The following PLCE1 variants were observed in gnomAD, a reference collection of about 807,000 sequenced individuals.
The protein encoded by PLCE1 is phospholipase C epsilon 1.
In PLCE1, 119 loss-of-function variants were observed where a neutral mutation model predicts 242.8. The ratio of observed to expected loss-of-function variants is 0.49; its 90% CI spans 0.42 to 0.57. The LOEUF (loss-of-function observed/expected upper bound fraction) is 0.57. PLCE1 is among the 20% of genes least tolerant of loss of function. PLCE1 has a pLI of 0.00. For synonymous variants in PLCE1, 945 were observed against 1,017.4 expected (o/e 0.93, Z 1.35); for missense variants, 2,441 against 2,788.8 (o/e 0.88, Z 2.81).
chr10:94,113,562 C>A (rs2046021956), intron 2 of PLCE1, among the ~76,000 whole-genome samples: 1 of 152,178 alleles, frequency 6.6e-6, no homozygotes, highest in Non-Finnish European at 1.5e-5. Context: ...ATGCCAGGCA[C>A]TATGCTAAGT....
At chr10:94,258,608 T>C (rs887165269) in intron 11 of PLCE1, among the ~76,000 whole-genome samples, 192 bp from the exon 12 acceptor site, 1 of 152,194 alleles carries the variant, frequency 6.6e-6, no homozygotes, top group Non-Finnish European at 1.5e-5. Context: ...CTTTTTCACA[T>C]AGAACATGTT....
chr10:94,009,232 G>A (rs2061115834), intron 1 of PLCE1, among the ~76,000 whole-genome samples: 1 of 152,124 alleles, frequency 6.6e-6, no homozygotes, highest in Non-Finnish European at 1.5e-5. Flanking sequence ...CAAGAGCAGG[G>A]GCAAGAGACA....
At chr10:94,062,752 A>G (rs2044094470) in intron 2 of PLCE1, among the ~76,000 whole-genome samples, 1 of 152,054 alleles carries the variant, frequency 6.6e-6, no homozygotes, top group Non-Finnish European at 1.5e-5. Context: ...TGAATGACAT[A>G]GTCAACTGTT....
chr10:94,179,690 G>A (rs892790185), intron 4 of PLCE1, among the ~76,000 whole-genome samples: 22 of 151,436 alleles, frequency 1.5e-4, no homozygotes, highest in Non-Finnish European at 2.8e-4. Flanking sequence ...ATTTTTAGTA[G>A]AGATGGGATT....
intron 2 of PLCE1, among the ~76,000 whole-genome samples, chr10:94,061,370 T>C (rs2044051270): frequency 6.6e-6 from 1 of 152,184 alleles, no homozygotes; most frequent in Non-Finnish European, 1.5e-5. Context: ...AGCAAACCCA[T>C]ACTATGAATC....
intron 2 of PLCE1, among the ~76,000 whole-genome samples, chr10:94,098,327 T>C (rs2045392730): frequency 1.3e-5 from 2 of 152,198 alleles, no homozygotes. Context: ...TTTATAAACA[T>C]TGCCAATATT....
chr10:94,152,699 T>A (rs1402865884), intron 3 of PLCE1, among the ~76,000 whole-genome samples: 1 of 152,200 alleles, frequency 6.6e-6, no homozygotes, highest in East Asian at 1.9e-4. Context: ...CTAAATAAAA[T>A]TTTTCAAGTA....
intron 2 of PLCE1, chr10:94,105,284 C>T (rs2045686429): frequency 6.6e-6 from 1 of 152,242 alleles, no homozygotes. Flanking sequence ...TTGAGGTAAA[C>T]TCTGAAAAGC....
At chr10:94,113,880 C>A (rs1329890045) in intron 2 of PLCE1, among the ~76,000 whole-genome samples, 1 of 152,024 alleles carries the variant, frequency 6.6e-6, no homozygotes, top group Non-Finnish European at 1.5e-5. Flanking sequence ...ACTCCCTTGA[C>A]CATGCTAAGG....
intron 8 of PLCE1, among the ~76,000 whole-genome samples, chr10:94,249,975 TA>T (rs2050817335): frequency 1.3e-5 from 2 of 152,122 alleles, no homozygotes; most frequent in Admixed American, 6.5e-5. Flanking sequence ...GGATGTAGAT[TA>T]GTTTAATGGT....
At chr10:94,293,695 A>G in intron 23 of PLCE1, 56 bp downstream of exon 23, 1 of 1,582,412 alleles carries the variant, frequency 6.3e-7, no homozygotes, top group Non-Finnish European at 8.7e-7. Context: ...GATGATTTAG[A>G]TATTTTACTG....
intron 2 of PLCE1, chr10:94,082,331 C>T (rs1370379277): frequency 6.6e-6 from 1 of 152,156 alleles, no homozygotes; most frequent in African/African-American, 2.4e-5. Context: ...TCCTAAGCTT[C>T]CTAGCAACTG....
At chr10:94,047,554 T>C (rs2043632452) in intron 2 of PLCE1, among the ~76,000 whole-genome samples, 3 of 152,238 alleles carry the variant, frequency 2.0e-5, no homozygotes, top group Admixed American at 2.0e-4. Context: ...TTTCCTGTTG[T>C]GTTTTCAAAG....
At chr10:94,002,326 G>A (rs556105997) in intron 1 of PLCE1, among the ~76,000 whole-genome samples, 5 of 152,238 alleles carry the variant, frequency 3.3e-5, no homozygotes, top group South Asian at 2.1e-4. Flanking sequence ...TGGTCCGGGC[G>A]TCTCTAATGC....
chr10:93,996,432 C>T (rs1181693675), intron 1 of PLCE1, among the ~76,000 whole-genome samples: 2 of 152,088 alleles, frequency 1.3e-5, no homozygotes, highest in East Asian at 1.9e-4. Flanking sequence ...CATGGTGCTT[C>T]TGGAAGAGGG....
At chr10:94,049,701 C>T (rs941225117) in intron 2 of PLCE1, among the ~76,000 whole-genome samples, 1 of 151,990 alleles carries the variant, frequency 6.6e-6, no homozygotes, top group Non-Finnish European at 1.5e-5. Context: ...ACAAAGTAAA[C>T]ACAGATTTAG....
intron 2 of PLCE1, among the ~76,000 whole-genome samples, chr10:94,129,300 T>C (rs559748084): frequency 2.1e-4 from 32 of 152,360 alleles, no homozygotes; most frequent in Admixed American, 2.1e-3. Context: ...CAGCACTACG[T>C]CTACAGGCTG....
intron 4 of PLCE1, among the ~76,000 whole-genome samples, chr10:94,207,428 T>C (rs2049191482): frequency 6.6e-6 from 1 of 152,154 alleles, no homozygotes; most frequent in Non-Finnish European, 1.5e-5. Flanking sequence ...GAAAGAACTT[T>C]GAGGTGTTAA....
intron 23 of PLCE1, among the ~76,000 whole-genome samples, chr10:94,296,886 T>C: frequency 6.6e-6 from 1 of 152,128 alleles, no homozygotes; most frequent in East Asian, 1.9e-4. Context: ...CTTTCTTTTT[T>C]TTTTTGAGGC....
Sources: gnomAD v4.1 joint callset for allele counts (sites outside exome capture counted in the v4.1 genomes callset) on GRCh38, gnomAD v4.1.1 for gene constraint, MANE v1.5 for transcripts, NCBI Gene and HGNC (gene_info 2026-07-23, HGNC 2026-07-21) for gene names.